MRE11: variants seen among roughly 807,000 people sequenced by gnomAD.
The protein encoded by MRE11 is MRE11 double strand break repair nuclease, also known as double-strand break repair protein MRE11.
MRE11 carries 62 observed loss-of-function variants against 91.7 expected under a neutral mutation model. That is an observed-to-expected ratio of 0.68 (90% CI 0.55 to 0.84). The LOEUF (loss-of-function observed/expected upper bound fraction) is 0.84, where lower values mean the gene tolerates loss of function less well. Ranked by LOEUF, MRE11 falls within the 40% of genes least tolerant of loss-of-function variation. The pLI, the probability that MRE11 is intolerant of heterozygous loss-of-function variation, is 0.00. For missense variants in MRE11, 796 were observed against 852.9 expected (o/e 0.93, Z 0.83); for synonymous variants, 273 against 271.4 (o/e 1.01, Z -0.06).
At position 94,451,121 on chromosome 11, in the gene MRE11, TA is replaced by T. The variant is rs1005047527; in HGVS notation, c.1564-3684del. Reference sequence around the variant, plus strand: ...GCAACATAACGAGACTCCGTCTATATAAAAAAAAAAATTAAAAATTAGCTGG... The same window carrying T: ...GCAACATAACGAGACTCCGTCTATATAAAAAAAAAATTAAAAATTAGCTGG... On this transcript the variant is annotated intron_variant, in intron 14 of 19. Coordinates refer to ENST00000323929, the MANE Select transcript of MRE11 (RefSeq NM_005591.4). Among the ~76,000 whole-genome samples the T allele has an allele frequency of 3.3e-3, 466 of 139,564 alleles. 4 individuals carry two copies. The highest frequency in any genetic ancestry group is 0.011 in the African/African-American group (434 of 37,874). The allele number at this position is 139,564 out of a possible 152,430, so 91.6% of individuals were successfully genotyped here. A position where few individuals can be genotyped will look rare whatever the true frequency, so the allele number is the denominator to read the frequency against.
At position 94,437,181 on chromosome 11, in the gene MRE11, G is replaced by T; in HGVS notation, c.1922C>A (p.Ser641Ter). The T allele has an allele frequency of 6.2e-7, 1 of 1,611,714 alleles. No individual in the cohort carries two copies. The highest frequency in any genetic ancestry group is 1.1e-5 in the South Asian group (1 of 90,602). ...PSRNVTTKNY[S>*]EVIEVDESDV... is the part of the protein sequence containing the mutation. ...CCATAAAACTTTTTTTCTTACCTCT[G>T]AATAATTCTTAGTAGTGACATTTCG... Residue 641 changes from serine to a stop codon, truncating the protein, a stop_gained, in exon 17 of 20, where the codon TCA becomes TAA. Coordinates refer to ENST00000323929, the MANE Select transcript of MRE11 (RefSeq NM_005591.4). LOFTEE classifies it high-confidence loss of function.
chr11:94,419,095 G>A lies in MRE11; in HGVS notation c.*1030C>T. Reference sequence around the variant, plus strand: ...CTTTTTACAGAGGATTATAAAGAATGGGATTATTTAACTTAAATCTGAAGA... The same window carrying A: ...CTTTTTACAGAGGATTATAAAGAATAGGATTATTTAACTTAAATCTGAAGA... On this transcript the variant is annotated 3_prime_UTR_variant, in exon 20 of 20. Coordinates refer to ENST00000323929, the MANE Select transcript of MRE11 (RefSeq NM_005591.4). 1 of 232,192 alleles carries A rather than the reference G, an allele frequency of 4.3e-6. No individual in the cohort carries two copies. The highest frequency in any genetic ancestry group is 8.5e-6 in the Non-Finnish European group (1 of 117,508). 14.4% of individuals were successfully genotyped at this position (232,192 alleles called of 1,614,324 possible).
chr11:94,424,631 T>C (rs1012383898), intron 19 of MRE11, among the ~76,000 whole-genome samples: 2 of 152,108 alleles, frequency 1.3e-5, no homozygotes, highest in Admixed American at 6.5e-5. Context: ...AAAGGTAAAA[T>C]AGCCATTTTA....
chr11:94,492,668 C>T, intron 2 of MRE11, 114 bp downstream of exon 2: 1 of 1,463,740 alleles, frequency 6.8e-7, no homozygotes, highest in South Asian at 1.2e-5. Flanking sequence ...TATTTCTGTT[C>T]ATAAACAGGT....
intron 10 of MRE11, among the ~76,000 whole-genome samples, chr11:94,467,142 T>C (rs1946584737): frequency 6.6e-6 from 1 of 152,192 alleles, no homozygotes; most frequent in Non-Finnish European, 1.5e-5. Flanking sequence ...ATATAGGTTA[T>C]ATACTTTTAG....
the MRE11 span, among the ~76,000 whole-genome samples, chr11:94,509,761 A>G: frequency 2.0e-5 from 3 of 152,268 alleles, no homozygotes; most frequent in Middle Eastern, 6.8e-3. Flanking sequence ...GTATACAGCC[A>G]TGTTGACAGC....
chr11:94,417,934 A>G lies in MRE11; in HGVS notation c.*2191T>C. On this transcript the variant is annotated 3_prime_UTR_variant, in exon 20 of 20. Transcript: ENST00000323929. Reference sequence around the variant, plus strand: ...GTATTTTTATGATAGGAAATAAAACACCAGAAAGACACTTATTCTTTGGTA... The same window carrying G: ...GTATTTTTATGATAGGAAATAAAACGCCAGAAAGACACTTATTCTTTGGTA... 1 of 233,082 alleles carries G rather than the reference A, an allele frequency of 4.3e-6. No individual in the cohort carries two copies. Among genetic ancestry groups the G allele is most frequent in the East Asian group, 6.1e-5 (1 of 16,502 alleles). 14.4% of individuals were successfully genotyped at this position (233,082 alleles called of 1,614,324 possible).
chr11:94,465,204 T>C (rs1229408741), intron 10 of MRE11, among the ~76,000 whole-genome samples: 2 of 152,178 alleles, frequency 1.3e-5, no homozygotes, highest in Non-Finnish European at 2.9e-5. Flanking sequence ...ATATGTGCTG[T>C]TTTATGAATG....
At chr11:94,475,686 C>T (rs1946834140) in intron 7 of MRE11, 1 of 453,150 alleles carries the variant, frequency 2.2e-6, no homozygotes, top group South Asian at 1.6e-5. Flanking sequence ...ATTTGTATAT[C>T]CTGGAAGAAC....
intron 16 of MRE11, among the ~76,000 whole-genome samples, chr11:94,443,659 C>T (rs1945845799): frequency 1.3e-5 from 2 of 152,118 alleles, no homozygotes; most frequent in Non-Finnish European, 2.9e-5. Flanking sequence ...AGCTGGAAAA[C>T]ACGAATGCGC....
At position 94,419,411 on chromosome 11, in the gene MRE11, T is replaced by C; in HGVS notation, c.*714A>G. The C allele has an allele frequency of 4.5e-6, 1 of 223,740 alleles. No homozygotes were observed. Among genetic ancestry groups the C allele is most frequent in the Non-Finnish European group, 8.7e-6 (1 of 115,308 alleles). The allele number at this position is 223,740 out of a possible 1,614,324, so 13.9% of individuals were successfully genotyped here. On this transcript the variant is annotated 3_prime_UTR_variant, in exon 20 of 20. Coordinates refer to ENST00000323929, the MANE Select transcript of MRE11 (RefSeq NM_005591.4). ...CTAGAACTAGGCACGCATATATGTA[T>C]GAAAGAGAAGAAAAAGCAAAGGAGA...
chr11:94,426,895 A>G (rs907405385), intron 19 of MRE11, among the ~76,000 whole-genome samples: 2 of 152,166 alleles, frequency 1.3e-5, no homozygotes, highest in South Asian at 2.1e-4. Flanking sequence ...AAATTCTGAA[A>G]TTAATCAGTA....
intron 12 of MRE11, 45 bp downstream of exon 12, chr11:94,460,891 A>C (rs776320200): frequency 7.0e-7 from 1 of 1,435,436 alleles, no homozygotes; most frequent in Non-Finnish European, 9.8e-7. Flanking sequence ...AAAATCTGTT[A>C]CTATAAGGTA....
intron 16 of MRE11, among the ~76,000 whole-genome samples, chr11:94,444,697 T>C (rs372610326): frequency 1.2e-4 from 19 of 152,346 alleles, no homozygotes; most frequent in African/African-American, 4.6e-4. Flanking sequence ...ACTCTACTTG[T>C]GCAGCTGTCC....
At chr11:94,449,990 A>G (rs1479955262) in intron 14 of MRE11, among the ~76,000 whole-genome samples, 1 of 152,150 alleles carries the variant, frequency 6.6e-6, no homozygotes, top group Non-Finnish European at 1.5e-5. Flanking sequence ...TGCTTTGGTA[A>G]TGTGGTGTTT....
chr11:94,478,193 G>A (rs1423986898), intron 6 of MRE11, among the ~76,000 whole-genome samples: 2 of 152,112 alleles, frequency 1.3e-5, no homozygotes, highest in South Asian at 2.1e-4. Flanking sequence ...AGTCTGAATG[G>A]AGGAGGAAAG....
At position 94,430,018 on chromosome 11, in the gene MRE11, A is replaced by C. The variant is rs371941434; in HGVS notation, c.1995-32T>G. The C allele has an allele frequency of 5.5e-5, 89 of 1,604,026 alleles. No individual in the cohort carries two copies. The African/African-American group carries it at 9.8e-4, about 18-fold the overall frequency. ...CAAAACAAAAACAAAAACAAACACA[A>C]TGAACTACATAATTCATCAAGTGTG... On this transcript the variant is annotated intron_variant, in intron 18 of 19. Coordinates refer to ENST00000323929, the MANE Select transcript of MRE11 (RefSeq NM_005591.4).
chr11:94,490,269 C>A (rs559085122), intron 3 of MRE11, among the ~76,000 whole-genome samples: 4 of 152,252 alleles, frequency 2.6e-5, no homozygotes, highest in African/African-American at 9.6e-5. Flanking sequence ...CTTATACTGT[C>A]TCACGGGTTT....
rs114509005 is a variant in MRE11 at position 94,452,770 on chromosome 11, T to C, written c.1563+3506A>G. On this transcript the variant is annotated intron_variant, in intron 14 of 19. Transcript: ENST00000323929. Reference sequence around the variant, plus strand: ...AGCCAATGGCAAAAATGTTTCCATATACATTTTGTGAGATTTGAAAACATA... The same window carrying C: ...AGCCAATGGCAAAAATGTTTCCATACACATTTTGTGAGATTTGAAAACATA... Among the ~76,000 whole-genome samples, 331 of 152,354 alleles carry C rather than the reference T, an allele frequency of 2.2e-3. 2 individuals carry two copies. Among genetic ancestry groups the C allele is most frequent in the African/African-American group, 7.4e-3 (309 of 41,594 alleles).
Sources: gnomAD v4.1 joint callset for allele counts (sites outside exome capture counted in the v4.1 genomes callset) on GRCh38, gnomAD v4.1.1 for gene constraint, MANE v1.5 for transcripts, NCBI Gene and HGNC (gene_info 2026-07-23, HGNC 2026-07-21) for gene names.